The following ROBO2 variants were observed in gnomAD, a reference collection of about 807,000 sequenced individuals.
ROBO2 encodes the protein roundabout guidance receptor 2.
A neutral mutation model predicts 160.8 loss-of-function variants in ROBO2; 53 were observed. That is an observed-to-expected ratio of 0.33 (90% CI 0.26 to 0.41). The LOEUF (loss-of-function observed/expected upper bound fraction) is 0.41. Ranked by LOEUF, ROBO2 falls within the 10% of genes least tolerant of loss-of-function variation. The pLI, the probability that ROBO2 is intolerant of heterozygous loss-of-function variation, is 1.00. For synonymous variants in ROBO2, 664 were observed against 611.7 expected (o/e 1.09, Z -1.26); for missense variants, 1,577 against 1,722.4 (o/e 0.92, Z 1.49).
At chr3:77,542,531 G>A (rs867513055) in intron 6 of ROBO2, among the ~76,000 whole-genome samples, 27 of 152,252 alleles carry the variant, frequency 1.8e-4, no homozygotes, top group Middle Eastern at 3.4e-3. Flanking sequence ...AACATCACGT[G>A]ATAATATATT....
At chr3:76,308,376 C>CAAAAAAAAAAAAAAAAAAAAA (rs71277580) in intron 2 of ROBO2, among the ~76,000 whole-genome samples, 1 of 85,576 alleles carries the variant, frequency 1.2e-5, no homozygotes, top group Admixed American at 1.5e-4. Flanking sequence ...GACTCTGTCT[C>CAAAAAAAAAAAAAAAAAAAAA]AAAAAAAAAA....
intron 2 of ROBO2, among the ~76,000 whole-genome samples, chr3:76,289,008 C>G (rs376714282): frequency 2.6e-5 from 4 of 152,114 alleles, no homozygotes; most frequent in Non-Finnish European, 5.9e-5. Flanking sequence ...GGGGTACATA[C>G]CCTGTAACAG....
intron 2 of ROBO2, among the ~76,000 whole-genome samples, chr3:77,200,321 A>ATATATATTTT: frequency 1.8e-5 from 1 of 54,890 alleles, no homozygotes; most frequent in East Asian, 4.9e-4. Context: ...ATATATATAT[A>ATATATATTTT]TTTTAGTTTC....
chr3:76,206,679 G>T (rs1453674224), intron 2 of ROBO2, among the ~76,000 whole-genome samples: 1 of 152,102 alleles, frequency 6.6e-6, no homozygotes, highest in Non-Finnish European at 1.5e-5. Context: ...TTCCTTCATT[G>T]AGCTTTACTT....
rs534624781 is a variant in ROBO2 at position 76,805,619 on chromosome 3, G to A, written c.110-292395G>A. 4.0e-5 allele frequency among the ~76,000 whole-genome samples: 6 copies of A among 151,670 alleles called. 1 individual carries two copies. Among genetic ancestry groups the A allele is most frequent in the East Asian group, 1.9e-4 (1 of 5,148 alleles). On this transcript the variant is annotated intron_variant, in intron 2 of 26. Transcript: ENST00000487694. ...TAGTAGTAACATAGATCAGAAAAGC[G>A]ATATAAAGCTCTATTTTTTTTGTTC...
chr3:76,533,529 G>C (rs2082336553), intron 2 of ROBO2, among the ~76,000 whole-genome samples: 1 of 152,152 alleles, frequency 6.6e-6, no homozygotes, highest in African/African-American at 2.4e-5. Flanking sequence ...TATCATCCGG[G>C]CATAAGCATA....
intron 1 of ROBO2, among the ~76,000 whole-genome samples, chr3:77,079,247 G>A (rs1480312287): frequency 6.6e-6 from 1 of 152,074 alleles, no homozygotes; most frequent in Non-Finnish European, 1.5e-5. Flanking sequence ...GCACCCAGCT[G>A]CTATATTTAA....
intron 2 of ROBO2, among the ~76,000 whole-genome samples, chr3:76,256,527 C>A (rs559917750): frequency 2.0e-5 from 3 of 151,616 alleles, no homozygotes; most frequent in Non-Finnish European, 4.4e-5. Context: ...GGCAATATGG[C>A]GAAATCCTGT....
At chr3:76,053,714 C>T (rs2067734291) in intron 2 of ROBO2, among the ~76,000 whole-genome samples, 1 of 151,990 alleles carries the variant, frequency 6.6e-6, no homozygotes, top group Admixed American at 6.6e-5. Flanking sequence ...TAAATGGGTT[C>T]ATTAACTTCT....
intron 2 of ROBO2, among the ~76,000 whole-genome samples, chr3:76,126,172 A>G (rs2070980765): frequency 6.6e-6 from 1 of 152,202 alleles, no homozygotes; most frequent in Non-Finnish European, 1.5e-5. Flanking sequence ...TAACAAGGAA[A>G]CAGGAGTGAA....
intron 2 of ROBO2, among the ~76,000 whole-genome samples, chr3:76,438,465 C>A (rs1000232838): frequency 6.6e-6 from 1 of 151,236 alleles, no homozygotes; most frequent in African/African-American, 2.4e-5. Flanking sequence ...GATGGTAGCA[C>A]GTATTTTACA....
At chr3:77,264,879 T>C (rs1375239160) in intron 2 of ROBO2, among the ~76,000 whole-genome samples, 1 of 152,174 alleles carries the variant, frequency 6.6e-6, no homozygotes, top group African/African-American at 2.4e-5. Flanking sequence ...ATATTATATT[T>C]CAACATTTTT....
At chr3:76,080,731 T>C (rs1311473266) in intron 2 of ROBO2, among the ~76,000 whole-genome samples, 1 of 152,222 alleles carries the variant, frequency 6.6e-6, no homozygotes, top group Non-Finnish European at 1.5e-5. Context: ...AGAATTTCTT[T>C]TTCAACCATC....
At chr3:76,337,448 G>A (rs2073964351) in intron 2 of ROBO2, among the ~76,000 whole-genome samples, 1 of 152,196 alleles carries the variant, frequency 6.6e-6, no homozygotes. Context: ...AGTGCTGACA[G>A]AAAATTTACC....
chr3:76,498,061 T>C (rs765858962), intron 2 of ROBO2, among the ~76,000 whole-genome samples: 1 of 152,210 alleles, frequency 6.6e-6, no homozygotes, highest in Non-Finnish European at 1.5e-5. Context: ...AATTTGAAGA[T>C]AGGTTTCAAG....
intron 2 of ROBO2, among the ~76,000 whole-genome samples, chr3:76,975,291 G>A (rs1231893142): frequency 6.6e-6 from 1 of 152,084 alleles, no homozygotes; most frequent in Non-Finnish European, 1.5e-5. Context: ...GATTACCTGA[G>A]GTCAGGAGTT....
chr3:76,803,326 C>T (rs2064372763), intron 2 of ROBO2, among the ~76,000 whole-genome samples: 1 of 151,522 alleles, frequency 6.6e-6, no homozygotes, highest in Admixed American at 6.6e-5. Flanking sequence ...TTTCATTCTG[C>T]CTAACCTGAA....
At chr3:76,562,798 T>C (rs2084278482) in intron 2 of ROBO2, among the ~76,000 whole-genome samples, 1 of 152,222 alleles carries the variant, frequency 6.6e-6, no homozygotes, top group South Asian at 2.1e-4. Context: ...CTTTATTCTT[T>C]TTCTGTGATG....
intron 1 of ROBO2, among the ~76,000 whole-genome samples, chr3:75,934,564 G>A (rs550380041): frequency 6.6e-6 from 1 of 152,262 alleles, no homozygotes; most frequent in East Asian, 1.9e-4. Context: ...AAGTTAGTTA[G>A]AAGGTTATGA....
Sources: allele counts gnomAD v4.1 joint callset (sites outside exome capture counted in the v4.1 genomes callset), GRCh38; gene constraint gnomAD v4.1.1; transcripts MANE v1.5; gene names NCBI Gene and HGNC (gene_info 2026-07-23, HGNC 2026-07-21).